Variants in NUDCD1 observed in about 807,000 individuals in gnomAD.
NUDCD1 encodes the protein NudC domain containing 1.
Under a neutral mutation model 67.8 loss-of-function variants are expected in NUDCD1, and 60 were observed. The ratio of observed to expected loss-of-function variants is 0.88; its 90% confidence interval spans 0.72 to 1.10. The LOEUF is 1.10. NUDCD1 is among the 50% of genes least tolerant of loss of function. The pLI, the probability that NUDCD1 is intolerant of heterozygous loss-of-function variation, is 0.00. For missense variants in NUDCD1, 643 were observed against 695.0 expected, an observed-to-expected ratio of 0.93 and a Z score of 0.84; for synonymous variants, 244 against 230.8, an observed-to-expected ratio of 1.06 and a Z score of -0.52.
chr8:109,322,382 C>A lies in NUDCD1; in HGVS notation c.200G>T (p.Cys67Phe). ...GACACTGTCTTGATACCATGAATCACAGTGCAGGTAATTATACATTCCAAA... is the reference window on the plus strand; with the variant it reads ...GACACTGTCTTGATACCATGAATCAAAGTGCAGGTAATTATACATTCCAAA... The part of the protein sequence containing the change: ...HAFGMYNYLH[C>F]DSWYQDSVYY... Residue 67 changes from cysteine (C) to phenylalanine (F), a missense_variant, in exon 2 of 10, where the codon TGT (cysteine) becomes TTT (phenylalanine). Transcript: ENST00000239690. 6.3e-7 allele frequency: 1 copy of A among 1,596,666 alleles called. No individual in the cohort carries two copies. Among genetic ancestry groups the A allele is most frequent in the Non-Finnish European group, 8.6e-7 (1 of 1,164,936 alleles).
At chr8:109,275,540 T>C (rs777708136) in intron 6 of NUDCD1, 44 bp from the exon 7 acceptor site, 3 of 1,486,628 alleles carry the variant, frequency 2.0e-6, no homozygotes, top group African/African-American at 1.4e-5. Context: ...TAAGCAATTA[T>C]ACAAATTATA....
intron 8 of NUDCD1, among the ~76,000 whole-genome samples, chr8:109,259,396 A>T (rs1004687596): frequency 1.3e-5 from 2 of 152,288 alleles, no homozygotes; most frequent in East Asian, 3.9e-4. Flanking sequence ...GCATCTATGA[A>T]ACTGTGATAG....
intron 8 of NUDCD1, among the ~76,000 whole-genome samples, chr8:109,265,098 A>G (rs1290341861): frequency 6.6e-6 from 1 of 152,076 alleles, no homozygotes; most frequent in Non-Finnish European, 1.5e-5. Context: ...AGTGAAACAT[A>G]ATTGCAAGGA....
At chr8:109,273,502 ATAG>A (rs888981474) in intron 7 of NUDCD1, among the ~76,000 whole-genome samples, 1 of 152,124 alleles carries the variant, frequency 6.6e-6, no homozygotes, top group Non-Finnish European at 1.5e-5. Flanking sequence ...ACCTTCAAAA[ATAG>A]AAAAAAAGAG....
intron 2 of NUDCD1, among the ~76,000 whole-genome samples, chr8:109,312,203 G>A (rs2926256): frequency 0.36 from 54,524 of 150,572 alleles, 10,658 homozygotes; most frequent in South Asian, 0.5. Context: ...TCAGGAGGCT[G>A]AGGCAGGAGA....
intron 7 of NUDCD1, 108 bp downstream of exon 7, chr8:109,275,244 A>G: frequency 3.1e-6 from 3 of 963,072 alleles, no homozygotes; most frequent in Non-Finnish European, 4.7e-6. Context: ...TCTGATATGT[A>G]TCTTTTATAT....
chr8:109,329,536 T>C (rs1815756054), intron 1 of NUDCD1, among the ~76,000 whole-genome samples: 1 of 152,090 alleles, frequency 6.6e-6, no homozygotes, highest in Non-Finnish European at 1.5e-5. Flanking sequence ...TCAGAAACAA[T>C]ATAAGCAAGA....
chr8:109,332,625 G>T (rs1401211571), intron 1 of NUDCD1, among the ~76,000 whole-genome samples: 1 of 152,150 alleles, frequency 6.6e-6, no homozygotes. Flanking sequence ...AGGACTAGAA[G>T]AACCACTCAG....
intron 2 of NUDCD1, among the ~76,000 whole-genome samples, chr8:109,311,635 G>T (rs975307431): frequency 2.0e-5 from 3 of 150,570 alleles, no homozygotes; most frequent in African/African-American, 7.4e-5. Flanking sequence ...ACCTGGATGA[G>T]ATTGGAGACT....
intron 8 of NUDCD1, among the ~76,000 whole-genome samples, chr8:109,266,105 C>G (rs988498719): frequency 1.3e-5 from 2 of 150,488 alleles, no homozygotes; most frequent in African/African-American, 2.5e-5. Context: ...TTTAAATTAT[C>G]TAGTAGCCAT....
At chr8:109,270,272 C>T (rs896380339) in intron 8 of NUDCD1, among the ~76,000 whole-genome samples, 5 of 150,930 alleles carry the variant, frequency 3.3e-5, no homozygotes, top group African/African-American at 1.2e-4. Flanking sequence ...GTAAGAAACA[C>T]TAAGACAAAT....
Position 109,242,829 on chromosome 8 carries a change from C to T in NUDCD1, c.*180G>A. On this transcript the variant is annotated 3_prime_UTR_variant, in exon 10 of 10. Coordinates refer to ENST00000239690, the MANE Select transcript of NUDCD1 (RefSeq NM_032869.4). Reference sequence around the variant, plus strand: ...CCAATGTTCTCTAAATCTGCAGCTTCATTCCACAGCTTTACAGAATCATAA... The same window carrying T: ...CCAATGTTCTCTAAATCTGCAGCTTTATTCCACAGCTTTACAGAATCATAA... The T allele has an allele frequency of 5.3e-6, 2 of 374,818 alleles. No individual in the cohort carries two copies. Among genetic ancestry groups the T allele is most frequent in the South Asian group, 8.1e-5 (1 of 12,312 alleles). 23.2% of individuals were successfully genotyped at this position (374,818 alleles called of 1,614,324 possible). A position where few individuals can be genotyped will look rare whatever the true frequency, so the allele number is the denominator to read the frequency against.
At chr8:109,267,772 C>G (rs1271504829) in intron 8 of NUDCD1, among the ~76,000 whole-genome samples, 1 of 152,146 alleles carries the variant, frequency 6.6e-6, no homozygotes, top group Non-Finnish European at 1.5e-5. Context: ...AGCTATGGTA[C>G]AGTGAAGGAT....
chr8:109,320,289 A>G (rs1815503994), intron 2 of NUDCD1, among the ~76,000 whole-genome samples: 1 of 152,198 alleles, frequency 6.6e-6, no homozygotes, highest in East Asian at 1.9e-4. Flanking sequence ...AGTCTCGACC[A>G]TAAGAGACGA....
Position 109,245,314 on chromosome 8 carries a change from C to T in NUDCD1, c.1459+8G>A, listed in dbSNP as rs777961027. On this transcript the variant is annotated splice_region_variant and intron_variant, in intron 9 of 9. Coordinates refer to ENST00000239690, the MANE Select transcript of NUDCD1 (RefSeq NM_032869.4). ...TTCATGGAAAATGTCAAAGAGTTTG[C>T]TTTATACCTAAAGCATTGAAAGTTG... is the stretch of plus-strand genomic sequence containing the variant. 6 of 1,606,970 alleles carry T rather than the reference C, an allele frequency of 3.7e-6. No individual in the cohort carries two copies. Among genetic ancestry groups the T allele is most frequent in the South Asian group, 3.4e-5 (3 of 89,356 alleles).
At chr8:109,315,194 T>C (rs1366988892) in intron 2 of NUDCD1, 2 of 150,278 alleles carry the variant, frequency 1.3e-5, no homozygotes, top group African/African-American at 4.9e-5. Context: ...TATTTTTTTC[T>C]TTCATCAGGC....
At chr8:109,322,519 T>C in intron 1 of NUDCD1, 56 bp from the exon 2 acceptor site, 1 of 1,431,600 alleles carries the variant, frequency 7.0e-7, no homozygotes, top group Non-Finnish European at 9.6e-7. Context: ...AGATAGTTTC[T>C]ATCTGTAGAA....
At chr8:109,312,469 T>C (rs913029355) in intron 2 of NUDCD1, among the ~76,000 whole-genome samples, 1 of 152,106 alleles carries the variant, frequency 6.6e-6, no homozygotes, top group African/African-American at 2.4e-5. Flanking sequence ...TTGGAGATAA[T>C]TTAAAGCTAT....
At chr8:109,287,441 T>C (rs1814601736) in intron 5 of NUDCD1, among the ~76,000 whole-genome samples, 1 of 152,244 alleles carries the variant, frequency 6.6e-6, no homozygotes, top group South Asian at 2.1e-4. Flanking sequence ...ATACACACCA[T>C]GGAATACTAC....
Sources: gnomAD v4.1 joint callset for allele counts (sites outside exome capture counted in the v4.1 genomes callset) on GRCh38, gnomAD v4.1.1 for gene constraint, MANE v1.5 for transcripts, NCBI Gene and HGNC (gene_info 2026-07-23, HGNC 2026-07-21) for gene names.